Variants in APMAP observed in about 807,000 individuals in gnomAD.
APMAP encodes the protein adipocyte plasma membrane-associated protein.
In APMAP, 33 loss-of-function variants were observed where a neutral mutation model predicts 43.6. That is an observed-to-expected ratio of 0.76 (90% CI 0.57 to 1.01). APMAP has a LOEUF of 1.01. APMAP is among the 50% of genes least tolerant of loss of function. The pLI is 0.00. For missense variants in APMAP, 498 were observed against 540.7 expected, an observed-to-expected ratio of 0.92 and a Z score of 0.78; for synonymous variants, 224 against 216.7, an observed-to-expected ratio of 1.03 and a Z score of -0.30.
chr20:24,966,788 G>T (rs2087947449), intron 8 of APMAP, among the ~76,000 whole-genome samples: 1 of 152,182 alleles, frequency 6.6e-6, no homozygotes, highest in Non-Finnish European at 1.5e-5. Flanking sequence ...AATCTGAATG[G>T]GGCCTGCAGA....
At chr20:24,971,990 T>C (rs1229035812) in intron 4 of APMAP, among the ~76,000 whole-genome samples, 4 of 145,584 alleles carry the variant, frequency 2.7e-5, no homozygotes, top group Non-Finnish European at 4.5e-5. Context: ...CTGCAGGGTG[T>C]TCACTGTGGG....
intron 2 of APMAP, among the ~76,000 whole-genome samples, chr20:24,980,370 C>A (rs1266487654): frequency 1.3e-5 from 2 of 152,272 alleles, no homozygotes; most frequent in Non-Finnish European, 2.9e-5. Flanking sequence ...GGAAGGGAAA[C>A]CCCACCTGGG....
At chr20:24,988,177 T>C (rs1239885619) in intron 1 of APMAP, among the ~76,000 whole-genome samples, 4 of 152,222 alleles carry the variant, frequency 2.6e-5, no homozygotes, top group Non-Finnish European at 2.9e-5. Flanking sequence ...TTTCACCTCA[T>C]GACCTTCATT....
intron 7 of APMAP, 39 bp from the exon 8 acceptor site, chr20:24,969,123 C>G (rs2087974850): frequency 1.3e-6 from 2 of 1,521,056 alleles, no homozygotes; most frequent in Non-Finnish European, 8.8e-7. Flanking sequence ...ACCATAGCCC[C>G]TCAATTTCAG....
At chr20:24,976,939 C>T (rs2088054615) in intron 3 of APMAP, among the ~76,000 whole-genome samples, 1 of 152,222 alleles carries the variant, frequency 6.6e-6, no homozygotes, top group Non-Finnish European at 1.5e-5. Context: ...GAAAAGGCTA[C>T]ATACTGTATG....
Position 24,968,945 on chromosome 20 carries a change from A to G in APMAP, c.988T>C (p.Ser330Pro), listed in dbSNP as rs1288809437. ...MSTIRPNPGF[S>P]MLDFLSERPW... ...CTCTCAGATAAGAAATCCAGCATGG[A>G]AAACCCAGGGTTAGGGCGGATGGTC... The change falls in exon 8 of 9, where the codon TCC becomes CCC. Residue 330 changes from serine to proline, a missense_variant. Ser to Pro is a moderately conservative substitution (Grantham distance 74). Coordinates refer to ENST00000217456, the MANE Select transcript of APMAP (RefSeq NM_020531.3). 17 of 1,612,570 alleles carry G rather than the reference A, an allele frequency of 1.1e-5. No homozygotes were observed. The highest frequency in any genetic ancestry group is 1.4e-5 in the Non-Finnish European group (17 of 1,179,424).
At chr20:24,974,314 A>G (rs1363474951) in intron 3 of APMAP, 1 of 152,192 alleles carries the variant, frequency 6.6e-6, no homozygotes, top group Non-Finnish European at 1.5e-5. Context: ...GGTAACCACT[A>G]CAAAAAGTAA....
chr20:24,967,857 G>C (rs2087959293), intron 8 of APMAP, among the ~76,000 whole-genome samples: 1 of 152,192 alleles, frequency 6.6e-6, no homozygotes, highest in South Asian at 2.1e-4. Flanking sequence ...ATAAGGCAAA[G>C]AGAAGGACAG....
At chr20:24,978,721 AACAG>A (rs762337999) in intron 3 of APMAP, 42 bp downstream of exon 3, 4 of 683,920 alleles carry the variant, frequency 5.8e-6, no homozygotes, top group Non-Finnish European at 1.0e-5. Context: ...CCCCTCAGAC[AACAG>A]ACAGCCTGGA....
chr20:24,984,214 T>C (rs1192357694), intron 1 of APMAP, among the ~76,000 whole-genome samples, 195 bp from the exon 2 acceptor site: 3 of 151,940 alleles, frequency 2.0e-5, no homozygotes, highest in African/African-American at 7.3e-5. Flanking sequence ...TTGTTGTTCT[T>C]TTTTTTTAAT....
chr20:24,964,083 C>T (rs2087922194), intron 8 of APMAP, 61 bp from the exon 9 acceptor site: 1 of 1,545,826 alleles, frequency 6.5e-7, no homozygotes, highest in Non-Finnish European at 8.9e-7. Flanking sequence ...GTGCGCAGAT[C>T]AACCGTGCCG....
At position 24,963,603 on chromosome 20, in the gene APMAP, G is replaced by A. The variant is rs1041612601; in HGVS notation, c.*210C>T. 168 of 590,694 alleles carry A rather than the reference G, an allele frequency of 2.8e-4. No individual in the cohort carries two copies. Among genetic ancestry groups the A allele is most frequent in the Non-Finnish European group, 4.9e-4 (162 of 331,570 alleles). The allele number at this position is 590,694 out of a possible 1,614,324, so 36.6% of individuals were successfully genotyped here. On this transcript the variant is annotated 3_prime_UTR_variant, in exon 9 of 9. Transcript: ENST00000217456. ...AATTTATGTTCCTCATGGCAGATATGTTACACTTCCCTCTAAACAGAAAGA... is the reference window on the plus strand; with the variant it reads ...AATTTATGTTCCTCATGGCAGATATATTACACTTCCCTCTAAACAGAAAGA...
Position 24,968,888 on chromosome 20 carries a change from T to C in APMAP, c.1041+4A>G. The C allele has an allele frequency of 6.4e-7, 1 of 1,574,278 alleles. No homozygotes were observed. The highest frequency in any genetic ancestry group is 8.6e-7 in the Non-Finnish European group (1 of 1,160,036). Reference sequence around the variant, plus strand: ...TTTCTTGGAATAACAGTTTTCACAGTTACCTTAAAAATCATCCTTTTAATC... The same window carrying C: ...TTTCTTGGAATAACAGTTTTCACAGCTACCTTAAAAATCATCCTTTTAATC... On this transcript the variant is annotated splice_donor_region_variant and intron_variant, in intron 8 of 8. Transcript: ENST00000217456.
At chr20:24,977,207 A>G (rs574765024) in intron 3 of APMAP, among the ~76,000 whole-genome samples, 1 of 152,366 alleles carries the variant, frequency 6.6e-6, no homozygotes, top group Non-Finnish European at 1.5e-5. Flanking sequence ...ATGTGAGTAC[A>G]TCACTTGTAA....
chr20:24,970,926 T>C (rs2122492683), intron 5 of APMAP, among the ~76,000 whole-genome samples: 1 of 152,236 alleles, frequency 6.6e-6, no homozygotes, highest in South Asian at 2.1e-4. Context: ...CCCAAGCAGC[T>C]GGGCTGCAGG....
intron 6 of APMAP, 147 bp downstream of exon 6, chr20:24,970,050 G>A (rs1034664738): frequency 1.0e-6 from 1 of 972,416 alleles, no homozygotes; most frequent in Non-Finnish European, 1.5e-6. Context: ...TCCATCACCT[G>A]CCTCCAGAAG....
At chr20:24,968,287 T>C (rs1394769219) in intron 8 of APMAP, among the ~76,000 whole-genome samples, 1 of 151,526 alleles carries the variant, frequency 6.6e-6, no homozygotes, top group Non-Finnish European at 1.5e-5. Flanking sequence ...TGGCCATTGG[T>C]GGGGGTGGGT....
At chr20:24,970,074 G>A (rs2087985362) in intron 6 of APMAP, 123 bp downstream of exon 6, 1 of 1,259,442 alleles carries the variant, frequency 7.9e-7, no homozygotes, top group East Asian at 2.3e-5. Flanking sequence ...CTAAGGTCCT[G>A]TCCTAGAAGC....
In APMAP at chr20:24,970,332, T is replaced by C; in HGVS notation, c.578A>G (p.Glu193Gly). 2 of 1,613,220 alleles carry C rather than the reference T, an allele frequency of 1.2e-6. No individual in the cohort carries two copies. Among genetic ancestry groups the C allele is most frequent in the Non-Finnish European group, 1.7e-6 (2 of 1,179,644 alleles). Reference protein sequence around the residue: ...KLLLSSETPIEGKNMSFVNDL... With the variant: ...KLLLSSETPIGGKNMSFVNDL... ...ATTCACAAAGGACATGTTCTTCCCC[T>C]CAATGGGTGTCTCGGAGGACAGCAG... The change falls in exon 6 of 9, where the codon GAG becomes GGG. Residue 193 changes from glutamate to glycine, a missense_variant. Transcript: ENST00000217456.
Sources: allele counts gnomAD v4.1 joint callset (sites outside exome capture counted in the v4.1 genomes callset), GRCh38; gene constraint gnomAD v4.1.1; transcripts MANE v1.5; gene names NCBI Gene and HGNC (gene_info 2026-07-23, HGNC 2026-07-21).